The following CAAP1 variants were observed in gnomAD, a reference collection of about 807,000 sequenced individuals.
CAAP1 encodes the protein caspase activity and apoptosis inhibitor 1, also known as conserved anti-apoptotic protein.
Under a neutral mutation model 34.0 loss-of-function variants are expected in CAAP1, and 20 were observed. That is an observed-to-expected ratio of 0.59 (90% CI 0.41 to 0.86). The LOEUF is 0.86. Among genes scored for constraint, CAAP1 ranks in the 40% least tolerant of loss-of-function variants. The pLI, the probability that CAAP1 is intolerant of heterozygous loss-of-function variation, is 0.00. For synonymous variants in CAAP1, 213 were observed against 166.7 expected, an observed-to-expected ratio of 1.28 and a Z score of -2.14; for missense variants, 538 against 450.5, an observed-to-expected ratio of 1.19 and a Z score of -1.76.
intron 4 of CAAP1, among the ~76,000 whole-genome samples, chr9:26,872,006 G>A (rs1327128466): frequency 2.6e-5 from 4 of 152,076 alleles, no homozygotes; most frequent in Non-Finnish European, 5.9e-5. Context: ...AAGTGGATGG[G>A]CTATGTAACT....
At chr9:26,870,002 C>G in intron 4 of CAAP1, 1 of 909,086 alleles carries the variant, frequency 1.1e-6, no homozygotes, top group Non-Finnish European at 1.3e-6. Flanking sequence ...ACAATAGATA[C>G]AGTTTAAAAG....
At chr9:26,848,227 A>G (rs758604475) in intron 5 of CAAP1, among the ~76,000 whole-genome samples, 13 of 152,084 alleles carry the variant, frequency 8.5e-5, no homozygotes, top group Non-Finnish European at 1.9e-4. Context: ...AACAGTTCTT[A>G]TATGTGGCCA....
At chr9:26,880,173 G>A (rs7035029) in intron 4 of CAAP1, 7,707 of 288,448 alleles carry the variant, frequency 0.027, 766 homozygotes, top group African/African-American at 0.16. Context: ...CCACACTCAC[G>A]GGGTGTCTTT....
At chr9:26,873,469 C>T (rs1434192402) in intron 4 of CAAP1, among the ~76,000 whole-genome samples, 4 of 152,130 alleles carry the variant, frequency 2.6e-5, no homozygotes, top group African/African-American at 9.7e-5. Flanking sequence ...GCTAAGATTT[C>T]CCTACAGTAT....
At chr9:26,868,838 A>C (rs1432628315) in intron 4 of CAAP1, among the ~76,000 whole-genome samples, 1 of 152,202 alleles carries the variant, frequency 6.6e-6, no homozygotes, top group African/African-American at 2.4e-5. Flanking sequence ...AAAAAGACTT[A>C]AGAGAGAGAA....
At chr9:26,863,676 G>A (rs906056832) in intron 4 of CAAP1, among the ~76,000 whole-genome samples, 8 of 147,594 alleles carry the variant, frequency 5.4e-5, no homozygotes, top group Non-Finnish European at 1.2e-4. Flanking sequence ...ATAAACAACT[G>A]TAAAGAGAGG....
At chr9:26,851,738 G>A (rs907489638) in intron 5 of CAAP1, among the ~76,000 whole-genome samples, 3 of 152,174 alleles carry the variant, frequency 2.0e-5, no homozygotes, top group African/African-American at 7.2e-5. Context: ...TACCCAAAAG[G>A]GAAAAATGAA....
intron 4 of CAAP1, among the ~76,000 whole-genome samples, chr9:26,878,845 G>A (rs1301068059): frequency 6.6e-6 from 1 of 151,848 alleles, no homozygotes; most frequent in East Asian, 1.9e-4. Flanking sequence ...TTTCCTCTAG[G>A]ATCTTCAATG....
Position 26,863,671 on chromosome 9 carries a change from C to A in CAAP1, c.666-2532G>T, listed in dbSNP as rs543024107. Among the ~76,000 whole-genome samples the A allele has an allele frequency of 2.6e-3, 373 of 142,932 alleles. 2 individuals are homozygous for A. The highest frequency in any genetic ancestry group is 9.2e-3 in the African/African-American group (354 of 38,360). 93.8% of individuals were successfully genotyped at this position (142,932 alleles called of 152,430 possible). ...ACACTTTAAGGAAGAATTTTATAAA[C>A]AACTGTAAAGAGAGGAATGGGGAGA... On this transcript the variant is annotated intron_variant, in intron 4 of 5. Transcript: ENST00000333916.
chr9:26,886,812 T>C (rs544731637), intron 2 of CAAP1, among the ~76,000 whole-genome samples: 1 of 152,340 alleles, frequency 6.6e-6, no homozygotes, highest in South Asian at 2.1e-4. Context: ...TAAACATTTC[T>C]TCGTGGCAAA....
At chr9:26,846,003 G>A (rs1449123629) in intron 5 of CAAP1, among the ~76,000 whole-genome samples, 2 of 152,116 alleles carry the variant, frequency 1.3e-5, no homozygotes, top group Non-Finnish European at 2.9e-5. Context: ...ATATATGGCC[G>A]TGAAAAGGAG....
At chr9:26,871,506 G>C (rs1026917568) in intron 4 of CAAP1, among the ~76,000 whole-genome samples, 1 of 151,752 alleles carries the variant, frequency 6.6e-6, no homozygotes, top group Non-Finnish European at 1.5e-5. Context: ...GAACGTGCTA[G>C]GCAGAGGCTG....
chr9:26,863,506 A>G (rs1029295899), intron 4 of CAAP1, among the ~76,000 whole-genome samples: 2 of 152,192 alleles, frequency 1.3e-5, no homozygotes, highest in African/African-American at 4.8e-5. Flanking sequence ...AATATCTTAA[A>G]TTGTAAGAAA....
chr9:26,871,942 TA>T (rs1823287622), intron 4 of CAAP1, among the ~76,000 whole-genome samples: 1 of 151,352 alleles, frequency 6.6e-6, no homozygotes, highest in African/African-American at 2.4e-5. Flanking sequence ...AATAAATAAA[TA>T]AAATAAAAAA....
rs1822474787 is a variant in CAAP1, at chr9:26,841,334, T to C, written c.*967A>G. The C allele has an allele frequency of 6.6e-6, 1 of 152,560 alleles. No individual in the cohort carries two copies. The highest frequency in any genetic ancestry group is 6.5e-5 in the Admixed American group (1 of 15,276). The allele number at this position is 152,560 out of a possible 1,614,324, so 9.5% of individuals were successfully genotyped here. ...GGTATCAAACAACTGCAATTAGTGATGGGGGGATAAAAGCATCCCTAATTG... is the reference window on the plus strand; with the variant it reads ...GGTATCAAACAACTGCAATTAGTGACGGGGGGATAAAAGCATCCCTAATTG... On this transcript the variant is annotated 3_prime_UTR_variant, in exon 6 of 6. Coordinates refer to ENST00000333916, the MANE Select transcript of CAAP1 (RefSeq NM_024828.4).
At chr9:26,848,986 CT>C (rs1410283365) in intron 5 of CAAP1, among the ~76,000 whole-genome samples, 1 of 152,150 alleles carries the variant, frequency 6.6e-6, no homozygotes, top group Non-Finnish European at 1.5e-5. Flanking sequence ...GTTCATTCTG[CT>C]GTCTAGACAC....
rs766522880 is a variant in CAAP1 at position 26,892,536 on chromosome 9, A to G, written c.180T>C (p.Phe60=). ...TCCCACCGCCGGTGACACTTCCACT[A>G]AAATTGGCGTTCCCACAGCAGCTGA... ...GSVSCCGNAN[F]SGSVTGGGSG... Residue 60 remains phenylalanine, a synonymous_variant, in exon 1 of 6, where the codon TTT becomes TTC. Coordinates refer to ENST00000333916, the MANE Select transcript of CAAP1 (RefSeq NM_024828.4). 1.9e-6 allele frequency: 3 copies of G among 1,576,250 alleles called. No individual in the cohort carries two copies. The highest frequency in any genetic ancestry group is 2.6e-6 in the Non-Finnish European group (3 of 1,161,138).
At chr9:26,865,687 ATGCT>A (rs1196700660) in intron 4 of CAAP1, among the ~76,000 whole-genome samples, 1 of 152,174 alleles carries the variant, frequency 6.6e-6, no homozygotes, top group East Asian at 1.9e-4. Context: ...TTTTTTTCCA[ATGCT>A]TACCATATGG....
At chr9:26,890,505 A>T (rs904020487) in intron 1 of CAAP1, among the ~76,000 whole-genome samples, 1 of 152,156 alleles carries the variant, frequency 6.6e-6, no homozygotes, top group Admixed American at 6.5e-5. Context: ...AAATCACTCT[A>T]AAAAACTCCA....
Sources: gnomAD v4.1 joint callset for allele counts (sites outside exome capture counted in the v4.1 genomes callset) on GRCh38, gnomAD v4.1.1 for gene constraint, MANE v1.5 for transcripts, NCBI Gene and HGNC (gene_info 2026-07-23, HGNC 2026-07-21) for gene names.